SLC6A13: variants seen among roughly 807,000 people sequenced by gnomAD.
SLC6A13 encodes the protein solute carrier family 6 member 13.
In SLC6A13, 69 loss-of-function variants were observed where a neutral mutation model predicts 72.9. That is an observed-to-expected ratio of 0.95 (90% CI 0.78 to 1.16). The LOEUF (loss-of-function observed/expected upper bound fraction) is 1.16, where lower values mean the gene tolerates loss of function less well. Among genes scored for constraint, SLC6A13 ranks in the 50% most tolerant of loss-of-function variants. The pLI, the probability that SLC6A13 is intolerant of heterozygous loss-of-function variation, is 0.00. For synonymous variants in SLC6A13, 303 were observed against 303.0 expected (o/e 1.00, Z 0.00); for missense variants, 735 against 760.5 (o/e 0.97, Z 0.39).
Position 237,170 on chromosome 12 carries a change from C to T in SLC6A13, c.684G>A (p.Lys228=), listed in dbSNP as rs185262272. 8.4e-5 allele frequency: 135 copies of T among 1,613,962 alleles called. No homozygotes were observed. The highest frequency in any genetic ancestry group is 1.0e-4 in the Non-Finnish European group (123 of 1,179,994). Residue 228 remains lysine, a synonymous_variant, in exon 6 of 15, where the codon AAG becomes AAA. Coordinates refer to ENST00000343164, the MANE Select transcript of SLC6A13 (RefSeq NM_016615.5). The part of the protein sequence containing the change: ...ICYFCIWKGV[K]STGKVVYFTA... Reference sequence around the variant, plus strand: ...TCCCCACACGAACCTTGCCTGTGGACTTCACCCCCTTCCAGATGCAGAAGT... The same window carrying T: ...TCCCCACACGAACCTTGCCTGTGGATTTCACCCCCTTCCAGATGCAGAAGT...
chr12:242,542 T>TC, intron 4 of SLC6A13, 72 bp downstream of exon 4: 1 of 1,408,936 alleles, frequency 7.1e-7, no homozygotes, highest in Non-Finnish European at 9.8e-7. Context: ...AGCGGGGATA[T>TC]AGTGACAAGC....
At chr12:222,413 A>G (rs1941249378) in intron 13 of SLC6A13, 119 bp downstream of exon 13, 1 of 585,602 alleles carries the variant, frequency 1.7e-6, no homozygotes, top group African/African-American at 1.9e-5. Context: ...ATGAGTGAAA[A>G]TCTAAGATGA....
chr12:221,318 C>T (rs1272082411), intron 14 of SLC6A13, 58 bp downstream of exon 14: 8 of 1,498,038 alleles, frequency 5.3e-6, no homozygotes, highest in Admixed American at 2.2e-5. Context: ...GCCCACCTGT[C>T]GGCACCTGCG....
At chr12:230,999 C>A (rs1941686183) in intron 7 of SLC6A13, among the ~76,000 whole-genome samples, 1 of 152,244 alleles carries the variant, frequency 6.6e-6, no homozygotes, top group Non-Finnish European at 1.5e-5. Context: ...CCTAAACAAA[C>A]CTTTCCTTAG....
At chr12:251,638 CTTCTA>C (rs1222883408) in intron 2 of SLC6A13, among the ~76,000 whole-genome samples, 1 of 152,094 alleles carries the variant, frequency 6.6e-6, no homozygotes, top group Non-Finnish European at 1.5e-5. Flanking sequence ...AACGCCTTCT[CTTCTA>C]AAGACACTGT....
At chr12:256,057 C>T (rs1317128449) in intron 2 of SLC6A13, among the ~76,000 whole-genome samples, 1 of 152,130 alleles carries the variant, frequency 6.6e-6, no homozygotes, top group Non-Finnish European at 1.5e-5. Context: ...TGCCACCACC[C>T]ACACCCACAC....
At chr12:245,471 G>A (rs9943840) in intron 2 of SLC6A13, among the ~76,000 whole-genome samples, 4,248 of 152,174 alleles carry the variant, frequency 0.028, 144 homozygotes, top group African/African-American at 0.084. Context: ...CACCAAGTCA[G>A]GAGTTCAAGA....
Position 259,981 on chromosome 12 carries a change from C to T in SLC6A13, c.72G>A (p.Lys24=). The change falls in exon 2 of 15, where the codon AAG becomes AAA. Residue 24 remains lysine (K), a synonymous_variant. Coordinates refer to ENST00000343164, the MANE Select transcript of SLC6A13 (RefSeq NM_016615.5). ...CCCGCTCCAGGGTGCCATCTTCCTC[C>T]TTCTTTTCCATGACTGGATACACTG... ...TKPVYPVMEK[K]EEDGTLERGH... The T allele has an allele frequency of 6.2e-7, 1 of 1,614,216 alleles. No homozygotes were observed. Among genetic ancestry groups the T allele is most frequent in the Non-Finnish European group, 8.5e-7 (1 of 1,180,026 alleles).
At position 258,920 on chromosome 12, in the gene SLC6A13, C is replaced by T. The variant is rs193185694; in HGVS notation, c.202+931G>A. Reference sequence around the variant, plus strand: ...TAATGGATGGCTTAGGGAGCCTCACCGTGCCAGCAAAGTAGGAAAAAGACA... The same window carrying T: ...TAATGGATGGCTTAGGGAGCCTCACTGTGCCAGCAAAGTAGGAAAAAGACA... On this transcript the variant is annotated intron_variant, in intron 2 of 14. Transcript: ENST00000343164. 16 of 985,472 alleles carry T rather than the reference C, an allele frequency of 1.6e-5. No homozygotes were observed. The African/African-American group carries it at 1.7e-4, about 11-fold the overall frequency. 61.0% of individuals were successfully genotyped at this position (985,472 alleles called of 1,614,324 possible).
Position 220,867 on chromosome 12 carries a change from C to T in SLC6A13, c.*81G>A. ...CCACTCCAGGTCGGGGGCAGGGAAG[C>T]ACATGGGGCTGCTTCTGCCACGTTC... On this transcript the variant is annotated 3_prime_UTR_variant, in exon 15 of 15. Transcript: ENST00000343164. The T allele has an allele frequency of 1.3e-6, 2 of 1,565,380 alleles. No individual in the cohort carries two copies. Among genetic ancestry groups the T allele is most frequent in the Admixed American group, 1.7e-5 (1 of 58,254 alleles).
intron 8 of SLC6A13, chr12:226,787 T>C (rs184344534): frequency 1.3e-3 from 421 of 319,972 alleles, no homozygotes; most frequent in Middle Eastern, 0.01. Flanking sequence ...TGGATCTAGA[T>C]GTGACAAACC....
chr12:238,256 C>G (rs1456737166), intron 4 of SLC6A13: 2 of 1,480,800 alleles, frequency 1.4e-6, no homozygotes, highest in Non-Finnish European at 1.8e-6. Flanking sequence ...CAAGCATGAT[C>G]AGATGGCAAC....
intron 2 of SLC6A13, among the ~76,000 whole-genome samples, chr12:246,314 C>A (rs1434000320): frequency 6.6e-6 from 1 of 151,588 alleles, no homozygotes; most frequent in Non-Finnish European, 1.5e-5. Context: ...GAGACTCTGT[C>A]TCAAAAATAA....
At chr12:242,850 T>C (rs1942216730) in intron 3 of SLC6A13, 96 bp from the exon 4 acceptor site, 1 of 1,176,856 alleles carries the variant, frequency 8.5e-7, no homozygotes, top group Admixed American at 2.3e-5. Context: ...GAGAGGATTG[T>C]CTGAGGCTGG....
At chr12:262,517 T>C (rs1475144066) in intron 1 of SLC6A13, 1 of 184,302 alleles carries the variant, frequency 5.4e-6, no homozygotes, top group Non-Finnish European at 1.0e-5. Context: ...GAAGAAAGAC[T>C]TTGTTTTCTT....
intron 2 of SLC6A13, chr12:256,715 C>T (rs1413079700): frequency 6.6e-6 from 1 of 152,162 alleles, no homozygotes; most frequent in Non-Finnish European, 1.5e-5. Flanking sequence ...ACTTCTTCAT[C>T]CCTGAGCTTC....
intron 7 of SLC6A13, among the ~76,000 whole-genome samples, chr12:233,089 C>A (rs1021811916): frequency 6.6e-6 from 1 of 152,222 alleles, no homozygotes; most frequent in East Asian, 1.9e-4. Context: ...GGGAGCCACC[C>A]GCCCTTATGT....
rs1941175340 is a variant in SLC6A13, at chr12:220,963, T to C, written c.1794A>G (p.Leu598=). Residue 598 remains leucine (L), a synonymous_variant, in exon 15 of 15, where the codon CTA becomes CTG. Coordinates refer to ENST00000343164, the MANE Select transcript of SLC6A13 (RefSeq NM_016615.5). ...PRTSLLRLTE[L]ESHC is the part of the protein sequence containing the mutation. ...GGCCTGCCCCCTAGCAGTGAGACTC[T>C]AGCTCTGTGAGTCTGAGCAGTGAGG... is the stretch of plus-strand genomic sequence containing the variant. 12 of 1,612,868 alleles carry C rather than the reference T, an allele frequency of 7.4e-6. No homozygotes were observed. In the East Asian group the frequency reaches 2.5e-4, roughly 33 times the overall value.
At chr12:243,140 G>A (rs537990508) in intron 3 of SLC6A13, among the ~76,000 whole-genome samples, 4 of 152,064 alleles carry the variant, frequency 2.6e-5, no homozygotes, top group South Asian at 2.1e-4. Flanking sequence ...CTCCTGAGTA[G>A]CTAGGATTAC....
Sources: gnomAD v4.1 joint callset for allele counts (sites outside exome capture counted in the v4.1 genomes callset) on GRCh38, gnomAD v4.1.1 for gene constraint, MANE v1.5 for transcripts, NCBI Gene and HGNC (gene_info 2026-07-23, HGNC 2026-07-21) for gene names.